The following AGPAT2 variants were observed in gnomAD, a reference collection of about 807,000 sequenced individuals.
The protein encoded by AGPAT2 is 1-acylglycerol-3-phosphate O-acyltransferase 2.
In AGPAT2, 18 loss-of-function variants were observed where a neutral mutation model predicts 26.1. That is an observed-to-expected ratio of 0.69 (90% CI 0.48 to 1.02). The LOEUF is 1.02. Among genes scored for constraint, AGPAT2 ranks in the 50% least tolerant of loss-of-function variants. The probability of loss-of-function intolerance (pLI) is 0.00; values close to 1 mark genes in which losing one functional copy is unlikely to be tolerated. For missense variants in AGPAT2, 415 were observed against 394.9 expected, an observed-to-expected ratio of 1.05 and a Z score of -0.43; for synonymous variants, 200 against 174.2, an observed-to-expected ratio of 1.15 and a Z score of -1.16.
At chr9:136,674,016 C>T in intron 5 of AGPAT2, 89 bp from the exon 6 acceptor site, 1 of 1,293,508 alleles carries the variant, frequency 7.7e-7, no homozygotes, top group Non-Finnish European at 1.0e-6. Flanking sequence ...CCCCAGCCCC[C>T]CACAGCCCCT....
rs1321099073 is a variant in AGPAT2, at chr9:136,676,648, G to C, written c.525C>G (p.Arg175=). ...LKVWIYPEGT[R]NDNGDLLPFK... ...AAGGCAGCAGGTCCCCATTGTCGTT[G>C]CGAGTACCCTCGGGATAGATCCACA... Residue 175 remains arginine (R), a synonymous_variant, in exon 4 of 6, where the codon CGC becomes CGG. Coordinates refer to ENST00000371696, the MANE Select transcript of AGPAT2 (RefSeq NM_006412.4). The C allele has an allele frequency of 6.2e-7, 1 of 1,613,578 alleles. No individual in the cohort carries two copies. Among genetic ancestry groups the C allele is most frequent in the South Asian group, 1.1e-5 (1 of 91,074 alleles).
rs1846031148 is a variant in AGPAT2, at chr9:136,673,214, C to CCAGCAGGAG, written c.*529_*537dup. The CCAGCAGGAG allele has an allele frequency of 6.5e-6, 1 of 152,722 alleles. No individual in the cohort carries two copies. The highest frequency in any genetic ancestry group is 1.5e-5 in the Non-Finnish European group (1 of 68,404). 9.5% of individuals were successfully genotyped at this position (152,722 alleles called of 1,614,324 possible). ...TGCTGACCCCACAGAGTCTTCCAGG[C>CCAGCAGGAG]CAGCAGGAGCAGCAGGCCCCGATTC... On this transcript the variant is annotated 3_prime_UTR_variant, in exon 6 of 6. Transcript: ENST00000371696.
chr9:136,685,908 C>T (rs1846215173), intron 1 of AGPAT2, among the ~76,000 whole-genome samples: 1 of 152,242 alleles, frequency 6.6e-6, no homozygotes, highest in Non-Finnish European at 1.5e-5. Context: ...AAACTGCCTT[C>T]CTCGCTGAAG....
intron 2 of AGPAT2, 53 bp from the exon 3 acceptor site, chr9:136,677,189 G>C (rs1846103880): frequency 6.3e-7 from 1 of 1,598,182 alleles, no homozygotes; most frequent in African/African-American, 1.3e-5. Flanking sequence ...GCGTGCGCTG[G>C]AAGACAGCTG....
intron 3 of AGPAT2, 58 bp from the exon 4 acceptor site, chr9:136,676,738 C>T (rs950765838): frequency 1.4e-5 from 21 of 1,503,506 alleles, no homozygotes; most frequent in African/African-American, 6.9e-5. Flanking sequence ...AGAAAGGCCA[C>T]GCCGCCTCGC....
intron 1 of AGPAT2, among the ~76,000 whole-genome samples, chr9:136,683,249 G>A (rs569315031): frequency 4.6e-5 from 7 of 152,086 alleles, no homozygotes; most frequent in African/African-American, 1.4e-4. Flanking sequence ...AAAGTAAATC[G>A]AAGCAAAAGG....
chr9:136,684,853 G>A (rs1159460845), intron 1 of AGPAT2, among the ~76,000 whole-genome samples: 1 of 152,184 alleles, frequency 6.6e-6, no homozygotes, highest in Non-Finnish European at 1.5e-5. Context: ...GGAGGCACCC[G>A]TGGCGTACAG....
chr9:136,677,341 G>A (rs528572177), intron 2 of AGPAT2, 82 bp downstream of exon 2: 9 of 1,603,716 alleles, frequency 5.6e-6, no homozygotes, highest in East Asian at 4.5e-5. Context: ...CTGTGTCCTC[G>A]TCCCCGGGAC....
intron 1 of AGPAT2, among the ~76,000 whole-genome samples, chr9:136,682,743 G>A (rs964004612): frequency 1.2e-4 from 18 of 152,286 alleles, no homozygotes; most frequent in African/African-American, 3.8e-4. Context: ...TCTTTTTCAG[G>A]AGCCCTCAGA....
At chr9:136,673,995 G>A in intron 5 of AGPAT2, 68 bp from the exon 6 acceptor site, 1 of 1,394,764 alleles carries the variant, frequency 7.2e-7, no homozygotes, top group Non-Finnish European at 9.4e-7. Context: ...TGCTGCCCTG[G>A]CCTCGCCTCT....
At position 136,673,742 on chromosome 9, in the gene AGPAT2, G is replaced by A. The variant is rs375808894; in HGVS notation, c.*10C>T. On this transcript the variant is annotated 3_prime_UTR_variant, in exon 6 of 6. Coordinates refer to ENST00000371696, the MANE Select transcript of AGPAT2 (RefSeq NM_006412.4). ...TGCCCTCCCCAGGTCATGCCCTGCC[G>A]TGGTCTGGGCTACTGGGCCGGCTGC... The A allele has an allele frequency of 6.1e-5, 96 of 1,572,122 alleles. 2 individuals carry two copies. Among genetic ancestry groups the A allele is most frequent in the African/African-American group, 5.7e-4 (42 of 74,272 alleles).
At chr9:136,676,087 C>T (rs555604853) in intron 4 of AGPAT2, among the ~76,000 whole-genome samples, 2 of 152,156 alleles carry the variant, frequency 1.3e-5, no homozygotes, top group East Asian at 3.9e-4. Context: ...ATGCACTGCA[C>T]CCCTGGAGGC....
chr9:136,678,997 G>A (rs1026804775), intron 1 of AGPAT2, among the ~76,000 whole-genome samples: 1 of 152,124 alleles, frequency 6.6e-6, no homozygotes, highest in Non-Finnish European at 1.5e-5. Flanking sequence ...CAAACAACCT[G>A]CCGACCTCGG....
intron 4 of AGPAT2, among the ~76,000 whole-genome samples, chr9:136,675,062 G>C (rs1846072731): frequency 1.3e-5 from 2 of 152,310 alleles, no homozygotes; most frequent in South Asian, 4.1e-4. Flanking sequence ...GCACGTGTTT[G>C]CCTGGTTCAC....
chr9:136,687,457 T>TGGGCG (rs1846240087), upstream of AGPAT2: 10 of 1,053,622 alleles, frequency 9.5e-6, no homozygotes, highest in East Asian at 6.9e-5. Flanking sequence ...GCGGCGGGGC[T>TGGGCG]GGGCGGGGCG....
intron 1 of AGPAT2, among the ~76,000 whole-genome samples, chr9:136,681,404 G>C (rs558003817): frequency 2.6e-5 from 4 of 152,334 alleles, no homozygotes; most frequent in African/African-American, 9.6e-5. Flanking sequence ...AGGGGACAAA[G>C]GGCCATCTGC....
chr9:136,674,744 A>T lies in AGPAT2; in HGVS notation c.652T>A (p.Phe218Ile). ...SSFYNTKKKFFTSGTVTVQVL... is the reference protein window; with the variant it reads ...SSFYNTKKKFITSGTVTVQVL... The stretch of plus-strand genomic sequence containing the variant: ...ACACATGTGGGGGTACCTGAAGTGA[A>T]GAACTTCTTCTTGGTGTTGTAGAAG... Residue 218 changes from phenylalanine (F) to isoleucine (I), a missense_variant, in exon 5 of 6, where the codon TTC (phenylalanine) becomes ATC (isoleucine). Physicochemically the swap from Phe to Ile is conservative, Grantham distance 21. Coordinates refer to ENST00000371696, the MANE Select transcript of AGPAT2 (RefSeq NM_006412.4). 1 of 1,504,522 alleles carries T rather than the reference A, an allele frequency of 6.6e-7. No homozygotes were observed. Among genetic ancestry groups the T allele is most frequent in the African/African-American group, 1.4e-5 (1 of 70,666 alleles). 93.2% of individuals were successfully genotyped at this position (1,504,522 alleles called of 1,614,324 possible). A position where few individuals can be genotyped will look rare whatever the true frequency, so the allele number is the denominator to read the frequency against.
At chr9:136,686,837 C>T (rs1176289844) in intron 1 of AGPAT2, among the ~76,000 whole-genome samples, 1 of 152,266 alleles carries the variant, frequency 6.6e-6, no homozygotes, top group African/African-American at 2.4e-5. Context: ...TCTCCCAGCG[C>T]GGACCGGCCC....
At chr9:136,686,587 GGC>G in intron 1 of AGPAT2, among the ~76,000 whole-genome samples, 1 of 152,196 alleles carries the variant, frequency 6.6e-6, no homozygotes, top group East Asian at 1.9e-4. Flanking sequence ...GTAGGCCAGG[GGC>G]GCGCTCCCCA....
Sources: allele counts gnomAD v4.1 joint callset (sites outside exome capture counted in the v4.1 genomes callset), GRCh38; gene constraint gnomAD v4.1.1; transcripts MANE v1.5; gene names NCBI Gene and HGNC (gene_info 2026-07-23, HGNC 2026-07-21).